The following ABCA1 variants were observed in gnomAD, a reference collection of about 807,000 sequenced individuals.
ABCA1 encodes the protein ATP binding cassette subfamily A member 1.
A neutral mutation model predicts 262.5 loss-of-function variants in ABCA1; 133 were observed. The ratio of observed to expected loss-of-function variants is 0.51; its 90% CI spans 0.44 to 0.59. ABCA1 has a LOEUF of 0.59. Ranked by LOEUF, ABCA1 falls within the 20% of genes least tolerant of loss-of-function variation. The probability of loss-of-function intolerance (pLI) is 0.00; values close to 1 mark genes in which losing one functional copy is unlikely to be tolerated. For synonymous variants in ABCA1, 1,022 were observed against 1,043.5 expected (o/e 0.98, Z 0.40); for missense variants, 2,452 against 2,777.5 (o/e 0.88, Z 2.63).
chr9:104,875,817 A>G (rs1186820054), intron 5 of ABCA1, among the ~76,000 whole-genome samples: 3 of 152,172 alleles, frequency 2.0e-5, no homozygotes, highest in African/African-American at 7.2e-5. Context: ...CACAGTTCTC[A>G]TGGAGAGTGC....
rs935667875 is a variant in ABCA1 at position 104,782,539 on chromosome 9, G to C, written c.*1776C>G. 1 of 152,060 alleles carries C rather than the reference G, an allele frequency of 6.6e-6. No individual in the cohort carries two copies. Among genetic ancestry groups the C allele is most frequent in the African/African-American group, 2.4e-5 (1 of 41,418 alleles). The allele number at this position is 152,060 out of a possible 1,614,324, so 9.4% of individuals were successfully genotyped here. A position where few individuals can be genotyped will look rare whatever the true frequency, so the allele number is the denominator to read the frequency against. On this transcript the variant is annotated 3_prime_UTR_variant, in exon 50 of 50. Coordinates refer to ENST00000374736, the MANE Select transcript of ABCA1 (RefSeq NM_005502.4). Reference sequence around the variant, plus strand: ...GTTAACAGTAAGTATTAGTGAAACAGTATTTTTACAAATGTTTACTGACTA... The same window carrying C: ...GTTAACAGTAAGTATTAGTGAAACACTATTTTTACAAATGTTTACTGACTA...
chr9:104,813,208 T>C (rs978549348), intron 27 of ABCA1, among the ~76,000 whole-genome samples: 1 of 152,198 alleles, frequency 6.6e-6, no homozygotes, highest in African/African-American at 2.4e-5. Flanking sequence ...CAGTTATATA[T>C]AATGTAAGAG....
In ABCA1 at chr9:104,816,269, C is replaced by T. The variant is rs1453997757; in HGVS notation, c.3612G>A (p.Leu1204=). ...ARLVEDIGHE[L]TYVLPYEAAK... ...CAGCTTCATATGGCAGCACATAGGT[C>T]AGCTCATGCCCTATGTCTTCCACCA... The change falls in exon 25 of 50, where the codon CTG becomes CTA. Residue 1204 remains leucine (L), a synonymous_variant. Transcript: ENST00000374736. 6.2e-7 allele frequency: 1 copy of T among 1,614,132 alleles called. No homozygotes were observed. Among genetic ancestry groups the T allele is most frequent in the Admixed American group, 1.7e-5 (1 of 60,024 alleles).
intron 48 of ABCA1, 44 bp from the exon 49 acceptor site, chr9:104,785,683 C>T (rs756331889): frequency 1.2e-6 from 2 of 1,611,502 alleles, no homozygotes; most frequent in South Asian, 2.2e-5. Flanking sequence ...CTCCAGAAAA[C>T]TATTTAAAAG....
chr9:104,916,835 G>A (rs1234041226), intron 1 of ABCA1, among the ~76,000 whole-genome samples: 2 of 151,702 alleles, frequency 1.3e-5, no homozygotes, highest in Non-Finnish European at 2.9e-5. Context: ...GTGAGCCACC[G>A]TGCCCAGCCA....
chr9:104,912,465 T>TA (rs1172662017), intron 1 of ABCA1, among the ~76,000 whole-genome samples: 1 of 152,248 alleles, frequency 6.6e-6, no homozygotes, highest in Non-Finnish European at 1.5e-5. Context: ...ATGTCACTGA[T>TA]ACTTGGACAA....
intron 15 of ABCA1, among the ~76,000 whole-genome samples, chr9:104,827,620 T>G (rs572944995): frequency 1.3e-5 from 2 of 152,294 alleles, no homozygotes; most frequent in East Asian, 3.9e-4. Context: ...ATTCCCACAA[T>G]CATCCAAACT....
chr9:104,803,644 G>A (rs1053201168), intron 32 of ABCA1, among the ~76,000 whole-genome samples: 1 of 151,150 alleles, frequency 6.6e-6, no homozygotes, highest in Non-Finnish European at 1.5e-5. Flanking sequence ...TTTCGCTCTT[G>A]TTGCCCAGGC....
chr9:104,873,020 C>T (rs1410113546), intron 5 of ABCA1, among the ~76,000 whole-genome samples: 2 of 152,250 alleles, frequency 1.3e-5, no homozygotes, highest in East Asian at 3.9e-4. Context: ...TACAGCCCAG[C>T]TGGGCCCAGG....
intron 2 of ABCA1, among the ~76,000 whole-genome samples, chr9:104,898,911 A>G (rs1232369869): frequency 6.6e-6 from 1 of 151,944 alleles, no homozygotes; most frequent in East Asian, 1.9e-4. Context: ...AGTTTGCCGG[A>G]TTTTTTCCTT....
At chr9:104,896,929 T>G (rs990326694) in intron 2 of ABCA1, among the ~76,000 whole-genome samples, 1 of 151,400 alleles carries the variant, frequency 6.6e-6, no homozygotes, top group African/African-American at 2.4e-5. Context: ...GGAGTCTTGC[T>G]ATGCTGCCCA....
At chr9:104,821,335 T>A (rs752533996) in intron 20 of ABCA1, 40 bp downstream of exon 20, 5 of 1,610,080 alleles carry the variant, frequency 3.1e-6, no homozygotes, top group Non-Finnish European at 4.2e-6. Context: ...CACACACACA[T>A]CCAGAAAAGG....
intron 46 of ABCA1, 120 bp downstream of exon 46, chr9:104,787,800 C>T: frequency 6.2e-7 from 1 of 1,605,298 alleles, no homozygotes; most frequent in Non-Finnish European, 8.5e-7. Flanking sequence ...CAAGGTTGCT[C>T]TGCTGTCCCT....
Position 104,831,149 on chromosome 9 carries a change from T to TAAA in ABCA1, c.1716-51_1716-49dup, listed in dbSNP as rs34121951. On this transcript the variant is annotated intron_variant, in intron 13 of 49. Coordinates refer to ENST00000374736, the MANE Select transcript of ABCA1 (RefSeq NM_005502.4). ...CAACCATTCCTTTAGAACCATACAA[T>TAAA]AAAAAAAAAAAAAAAAAAAAATTGC... is the stretch of plus-strand genomic sequence containing the variant. 0.012 allele frequency: 10,673 copies of TAAA among 919,566 alleles called. 39 individuals are homozygous for TAAA. Among genetic ancestry groups the TAAA allele is most frequent in the East Asian group, 0.082 (2,048 of 24,858 alleles). 57.0% of individuals were successfully genotyped at this position (919,566 alleles called of 1,614,324 possible). A position where few individuals can be genotyped will look rare whatever the true frequency, so the allele number is the denominator to read the frequency against.
chr9:104,914,615 T>C (rs1841726262), intron 1 of ABCA1, among the ~76,000 whole-genome samples: 1 of 152,086 alleles, frequency 6.6e-6, no homozygotes, highest in African/African-American at 2.4e-5. Context: ...AATTAAGCAA[T>C]GTGCAACAAG....
intron 42 of ABCA1, 88 bp downstream of exon 42, chr9:104,792,698 T>C (rs1021024341): frequency 8.2e-6 from 13 of 1,582,526 alleles, no homozygotes; most frequent in Non-Finnish European, 1.1e-5. Flanking sequence ...ACATGCCCTT[T>C]TATTAAGCAA....
chr9:104,899,866 G>A (rs894862497), intron 2 of ABCA1, among the ~76,000 whole-genome samples: 2 of 152,174 alleles, frequency 1.3e-5, no homozygotes, highest in African/African-American at 4.8e-5. Flanking sequence ...GATGAGGATC[G>A]TGAAAGCTCT....
chr9:104,879,766 T>C (rs1217018690), intron 5 of ABCA1, among the ~76,000 whole-genome samples: 2 of 152,214 alleles, frequency 1.3e-5, no homozygotes, highest in African/African-American at 4.8e-5. Context: ...AACGGAAATG[T>C]AGCACTCAGA....
At chr9:104,793,415 G>A (rs1829604097) in intron 40 of ABCA1, 115 bp from the exon 41 acceptor site, 1 of 1,390,552 alleles carries the variant, frequency 7.2e-7, no homozygotes, top group Non-Finnish European at 1.0e-6. Context: ...AAACACAAAT[G>A]GCTATCACCC....
Sources: allele counts gnomAD v4.1 joint callset (sites outside exome capture counted in the v4.1 genomes callset), GRCh38; gene constraint gnomAD v4.1.1; transcripts MANE v1.5; gene names NCBI Gene and HGNC (gene_info 2026-07-23, HGNC 2026-07-21).